Variants in TRHDE observed in about 807,000 individuals in gnomAD.
TRHDE encodes the protein thyrotropin-releasing hormone-degrading ectoenzyme.
In TRHDE, 72 loss-of-function variants were observed where a neutral mutation model predicts 125.7. That is an observed-to-expected ratio of 0.57 (90% CI 0.47 to 0.70). The LOEUF (loss-of-function observed/expected upper bound fraction) is 0.70, where lower values mean the gene tolerates loss of function less well. TRHDE is among the 30% of genes least tolerant of loss of function. The pLI is 0.00. For missense variants in TRHDE, 1,110 were observed against 1,327.1 expected, an observed-to-expected ratio of 0.84 and a Z score of 2.54; for synonymous variants, 509 against 509.1, an observed-to-expected ratio of 1.00 and a Z score of 0.00.
chr12:72,370,298 C>G (rs1038394077), intron 2 of TRHDE, among the ~76,000 whole-genome samples: 1 of 152,142 alleles, frequency 6.6e-6, no homozygotes, highest in Non-Finnish European at 1.5e-5. Flanking sequence ...CTCTCCAGTC[C>G]AAACCACGGT....
rs531078731 is a variant in TRHDE, at chr12:72,604,579, A to G, written c.2322-14312A>G. On this transcript the variant is annotated intron_variant, in intron 12 of 18. Coordinates refer to ENST00000261180, the MANE Select transcript of TRHDE (RefSeq NM_013381.3). ...CTGAAGAGAAATTTCTAATTCTTTC[A>G]ATATTGTTGAACTATATGTGATCAT... 4.6e-5 allele frequency among the ~76,000 whole-genome samples: 7 copies of G among 152,168 alleles called. No individual in the cohort carries two copies. The South Asian group carries it at 1.5e-3, about 32-fold the overall frequency.
chr12:72,590,249 A>G (rs572873956), intron 12 of TRHDE, among the ~76,000 whole-genome samples: 1 of 152,170 alleles, frequency 6.6e-6, no homozygotes, highest in African/African-American at 2.4e-5. Context: ...TTCAAACTTT[A>G]TATTTTCAGT....
chr12:72,305,831 G>C (rs952036157), intron 2 of TRHDE, among the ~76,000 whole-genome samples: 1 of 152,198 alleles, frequency 6.6e-6, no homozygotes. Context: ...TGCCTAAAAC[G>C]TGGATTCTTT....
intron 2 of TRHDE, among the ~76,000 whole-genome samples, chr12:72,261,597 T>C (rs1878952132): frequency 6.6e-6 from 1 of 152,166 alleles, no homozygotes; most frequent in African/African-American, 2.4e-5. Context: ...AAGCTCTCTT[T>C]TATAGCTGCT....
intron 3 of TRHDE, among the ~76,000 whole-genome samples, chr12:72,414,828 A>G (rs771428987): frequency 6.6e-6 from 1 of 152,046 alleles, no homozygotes; most frequent in South Asian, 2.1e-4. Flanking sequence ...CATACATTAA[A>G]CCATTAATTA....
chr12:72,292,839 T>G (rs906725491), intron 2 of TRHDE, among the ~76,000 whole-genome samples: 4 of 152,198 alleles, frequency 2.6e-5, no homozygotes, highest in African/African-American at 9.7e-5. Flanking sequence ...TATTGCTGAA[T>G]AAGAAATCAT....
chr12:72,476,136 C>G (rs1226937301), intron 5 of TRHDE, among the ~76,000 whole-genome samples: 1 of 152,084 alleles, frequency 6.6e-6, no homozygotes, highest in African/African-American at 2.4e-5. Context: ...AGGCTGCTCT[C>G]GAACTCCTGA....
intron 3 of TRHDE, among the ~76,000 whole-genome samples, chr12:72,378,798 T>G (rs918989539): frequency 7.9e-5 from 12 of 152,224 alleles, no homozygotes; most frequent in African/African-American, 2.9e-4. Flanking sequence ...ACAAAGAGAA[T>G]GCACTTGGTA....
At chr12:72,612,991 G>T (rs1301932338) in intron 12 of TRHDE, among the ~76,000 whole-genome samples, 3 of 152,090 alleles carry the variant, frequency 2.0e-5, no homozygotes, top group Non-Finnish European at 2.9e-5. Flanking sequence ...GTGGTAGTGA[G>T]ACTATATAAA....
At chr12:72,179,850 C>T (rs1877060713) in intron 2 of TRHDE, among the ~76,000 whole-genome samples, 1 of 152,068 alleles carries the variant, frequency 6.6e-6, no homozygotes, top group Admixed American at 6.6e-5. Context: ...AATTTCCAAA[C>T]AGTTAATAAA....
rs79692879 is a variant in TRHDE at position 72,276,674 on chromosome 12, C to T, written c.914+3117C>T. Among the ~76,000 whole-genome samples the T allele has an allele frequency of 1.9e-4, 29 of 152,280 alleles. 1 individual carries two copies. Among genetic ancestry groups the T allele is most frequent in the East Asian group, 1.2e-3 (6 of 5,186 alleles). On this transcript the variant is annotated intron_variant, in intron 1 of 18. Transcript: ENST00000261180. ...ACTGTAATGTACAAAGGTTAGAAGA[C>T]GAGCTCCCTCTTGAAGCCCAAGTTT...
intron 2 of TRHDE, among the ~76,000 whole-genome samples, chr12:72,157,186 C>A (rs1336036966): frequency 6.6e-6 from 1 of 151,546 alleles, no homozygotes; most frequent in Non-Finnish European, 1.5e-5. Flanking sequence ...CAGCTCACTG[C>A]AACCTTAAAT....
intron 6 of TRHDE, among the ~76,000 whole-genome samples, chr12:72,512,522 TAA>T (rs1347736158): frequency 1.4e-5 from 2 of 138,426 alleles, no homozygotes; most frequent in Non-Finnish European, 1.5e-5. Flanking sequence ...ATATTATATA[TAA>T]TATATATGAT....
chr12:72,452,449 G>A (rs866443703), intron 3 of TRHDE, among the ~76,000 whole-genome samples: 24 of 152,072 alleles, frequency 1.6e-4, no homozygotes, highest in African/African-American at 5.8e-4. Flanking sequence ...TTGCCTAATT[G>A]CTCTAGCTAG....
chr12:72,568,072 T>C (rs760769643), intron 9 of TRHDE, among the ~76,000 whole-genome samples: 1 of 152,066 alleles, frequency 6.6e-6, no homozygotes, highest in Non-Finnish European at 1.5e-5. Flanking sequence ...TTCTTTCTGC[T>C]GAGTAACTTT....
chr12:72,333,823 T>C (rs1869710571), intron 2 of TRHDE, among the ~76,000 whole-genome samples: 1 of 152,230 alleles, frequency 6.6e-6, no homozygotes, highest in African/African-American at 2.4e-5. Context: ...GTACATAGAC[T>C]TCCTGTTGGA....
At chr12:72,358,528 A>T (rs1204517705) in intron 2 of TRHDE, among the ~76,000 whole-genome samples, 1 of 151,590 alleles carries the variant, frequency 6.6e-6, no homozygotes, top group African/African-American at 2.4e-5. Context: ...GTAGGCTATT[A>T]GTAGTTAAGT....
At chr12:72,123,648 T>C (rs1380791415) in intron 2 of TRHDE, among the ~76,000 whole-genome samples, 1 of 152,116 alleles carries the variant, frequency 6.6e-6, no homozygotes, top group African/African-American at 2.4e-5. Flanking sequence ...TATTTTTACC[T>C]TTTTAAAAAC....
At chr12:72,122,574 A>G (rs1183795772) in intron 2 of TRHDE, among the ~76,000 whole-genome samples, 2 of 152,148 alleles carry the variant, frequency 1.3e-5, no homozygotes, top group African/African-American at 2.4e-5. Context: ...AAATAATGAT[A>G]CTATTTATAC....
Sources: allele counts gnomAD v4.1 joint callset (sites outside exome capture counted in the v4.1 genomes callset), GRCh38; gene constraint gnomAD v4.1.1; transcripts MANE v1.5; gene names NCBI Gene and HGNC (gene_info 2026-07-23, HGNC 2026-07-21).